The following PEAK1 variants were observed in gnomAD, a reference collection of about 807,000 sequenced individuals.
The protein encoded by PEAK1 is pseudopodium enriched atypical kinase 1.
Under a neutral mutation model 124.7 loss-of-function variants are expected in PEAK1, and 54 were observed. The ratio of observed to expected loss-of-function variants is 0.43; its 90% CI spans 0.35 to 0.54. The LOEUF (loss-of-function observed/expected upper bound fraction) is 0.54. PEAK1 is among the 20% of genes least tolerant of loss of function. The pLI, the probability that PEAK1 is intolerant of heterozygous loss-of-function variation, is 0.01. For synonymous variants in PEAK1, 719 were observed against 760.0 expected (o/e 0.95, Z 0.89); for missense variants, 2,046 against 2,134.5 (o/e 0.96, Z 0.82).
intron 6 of PEAK1, among the ~76,000 whole-genome samples, chr15:77,208,071 C>A (rs1449832684): frequency 6.6e-6 from 1 of 152,148 alleles, no homozygotes; most frequent in African/African-American, 2.4e-5. Flanking sequence ...CAACATTAAG[C>A]AAACTGTGCT....
At chr15:77,295,494 T>C (rs774400782) in intron 2 of PEAK1, among the ~76,000 whole-genome samples, 2 of 152,180 alleles carry the variant, frequency 1.3e-5, no homozygotes, top group Non-Finnish European at 2.9e-5. Flanking sequence ...AATATTCAAC[T>C]ATCTCAACCT....
intron 2 of PEAK1, among the ~76,000 whole-genome samples, chr15:77,308,796 A>G (rs1597222020): frequency 6.6e-6 from 1 of 152,092 alleles, no homozygotes; most frequent in Admixed American, 6.5e-5. Flanking sequence ...TTGGTCCTGT[A>G]CCTTTCAACA....
At chr15:77,332,107 C>T (rs907545843) in intron 2 of PEAK1, 22 of 779,958 alleles carry the variant, frequency 2.8e-5, no homozygotes, top group Non-Finnish European at 3.3e-5. Flanking sequence ...CTGGGTGACA[C>T]AGCAAGACTC....
chr15:77,305,201 AGGAGGGAG>A, intron 2 of PEAK1, among the ~76,000 whole-genome samples: 1 of 59,528 alleles, frequency 1.7e-5, no homozygotes, highest in South Asian at 7.0e-4. Flanking sequence ...GAGGGACGGA[AGGAGGGAG>A]GGAGGGAGGG....
chr15:77,249,775 C>T (rs1386142999), intron 6 of PEAK1, among the ~76,000 whole-genome samples: 1 of 152,018 alleles, frequency 6.6e-6, no homozygotes, highest in African/African-American at 2.4e-5. Flanking sequence ...CCACCCACCT[C>T]GGCCTCCCAA....
rs1194105213 is a variant in PEAK1 at position 77,164,123 on chromosome 15, C to T, written c.3138-5427G>A. Among the ~76,000 whole-genome samples the T allele has an allele frequency of 6.6e-5, 10 of 152,318 alleles. 1 individual carries two copies. The highest frequency in any genetic ancestry group is 1.5e-5 in the Non-Finnish European group (1 of 68,012). On this transcript the variant is annotated intron_variant, in intron 7 of 9. Coordinates refer to ENST00000682557, the MANE Select transcript of PEAK1 (RefSeq NM_001385026.1). ...GTCTCTCTACCTTTAGGACCTCCTACGAATGTGACATTTCTTAATCTTTAG... is the reference window on the plus strand; with the variant it reads ...GTCTCTCTACCTTTAGGACCTCCTATGAATGTGACATTTCTTAATCTTTAG...
intron 1 of PEAK1, among the ~76,000 whole-genome samples, chr15:77,419,785 C>A (rs2073223665): frequency 6.7e-6 from 1 of 148,402 alleles, no homozygotes; most frequent in African/African-American, 2.4e-5. Flanking sequence ...CGGCGGGGCG[C>A]GGGGGTGGCC....
chr15:77,335,630 T>C, intron 2 of PEAK1: 1 of 620,588 alleles, frequency 1.6e-6, no homozygotes, highest in Non-Finnish European at 2.0e-6. Context: ...AGGCGTGCAC[T>C]ACCACATGCA....
intron 2 of PEAK1, among the ~76,000 whole-genome samples, chr15:77,304,222 G>C (rs1048735187): frequency 2.6e-5 from 4 of 152,102 alleles, no homozygotes; most frequent in African/African-American, 9.7e-5. Context: ...AAAATAGCTT[G>C]CTGGGATTTT....
intron 2 of PEAK1, among the ~76,000 whole-genome samples, chr15:77,343,737 T>C (rs1004478313): frequency 6.6e-6 from 1 of 152,114 alleles, no homozygotes; most frequent in African/African-American, 2.4e-5. Context: ...CTGCCAGCCT[T>C]GGCCTCCCAA....
rs575794108 is a variant in PEAK1, at chr15:77,404,961, T to C, written c.-666+15045A>G. On this transcript the variant is annotated intron_variant, in intron 1 of 9. Coordinates refer to ENST00000682557, the MANE Select transcript of PEAK1 (RefSeq NM_001385026.1). ...ACTTTACTGCATTCATTATAACTGA[T>C]ACATAAACTACATCCCTATTATATG... 7.9e-5 allele frequency among the ~76,000 whole-genome samples: 12 copies of C among 152,242 alleles called. No individual in the cohort carries two copies. The South Asian group carries it at 2.1e-3, about 26-fold the overall frequency.
At position 77,115,078 on chromosome 15, in the gene PEAK1, G is replaced by C; in HGVS notation, c.4319C>G (p.Ala1440Gly). ...CTGATTCTCTTTCTGGGATGATGCTGCTTCAGAACAGGGCTTTGGGTTTTT... is the reference window on the plus strand; with the variant it reads ...CTGATTCTCTTTCTGGGATGATGCTCCTTCAGAACAGGGCTTTGGGTTTTT... ...DGKNPKPCSE[A>G]ASSQKENQGV... is the part of the protein sequence containing the mutation. The change falls in exon 10 of 10, where the codon GCA (alanine) becomes GGA (glycine). Residue 1440 changes from alanine to glycine, a missense_variant. Ala to Gly is a moderately conservative substitution (Grantham distance 60). Coordinates refer to ENST00000682557, the MANE Select transcript of PEAK1 (RefSeq NM_001385026.1). 3 of 1,614,136 alleles carry C rather than the reference G, an allele frequency of 1.9e-6. No individual in the cohort carries two copies. The highest frequency in any genetic ancestry group is 1.1e-5 in the South Asian group (1 of 91,080).
chr15:77,132,504 G>C (rs1340938203), intron 9 of PEAK1, among the ~76,000 whole-genome samples: 1 of 152,020 alleles, frequency 6.6e-6, no homozygotes, highest in Non-Finnish European at 1.5e-5. Context: ...AGACCAGCCT[G>C]GCCAACATGG....
chr15:77,337,263 A>G, intron 2 of PEAK1: 1 of 985,322 alleles, frequency 1.0e-6, no homozygotes, highest in Non-Finnish European at 1.2e-6. Context: ...GGGAAAAAAA[A>G]AAGGTTCTAA....
intron 5 of PEAK1, chr15:77,278,634 T>A (rs996701663): frequency 2.7e-5 from 14 of 517,510 alleles, no homozygotes; most frequent in African/African-American, 2.1e-4. Flanking sequence ...AAAGGAGAAA[T>A]GGGAAAAGCT....
At chr15:77,256,488 A>G (rs1242479841) in intron 5 of PEAK1, among the ~76,000 whole-genome samples, 2 of 152,262 alleles carry the variant, frequency 1.3e-5, no homozygotes, top group East Asian at 1.9e-4. Context: ...ATTTTTAATC[A>G]TAAAGTAAGG....
At chr15:77,334,448 T>C in intron 2 of PEAK1, 3 of 985,312 alleles carry the variant, frequency 3.0e-6, no homozygotes, top group South Asian at 9.4e-5. Flanking sequence ...CTGCTTATCC[T>C]TGTTTCCGAG....
chr15:77,246,231 T>G (rs1369927054), intron 6 of PEAK1, among the ~76,000 whole-genome samples: 2 of 152,164 alleles, frequency 1.3e-5, no homozygotes, highest in African/African-American at 4.8e-5. Flanking sequence ...ATGGTCTTGA[T>G]CTCTTGACCT....
At chr15:77,208,018 G>A (rs2058743175) in intron 6 of PEAK1, among the ~76,000 whole-genome samples, 1 of 152,148 alleles carries the variant, frequency 6.6e-6, no homozygotes, top group African/African-American at 2.4e-5. Context: ...GGCTCTGAGT[G>A]TGGCTTTTCC....
Sources: allele counts gnomAD v4.1 joint callset (sites outside exome capture counted in the v4.1 genomes callset), GRCh38; gene constraint gnomAD v4.1.1; transcripts MANE v1.5; gene names NCBI Gene and HGNC (gene_info 2026-07-23, HGNC 2026-07-21).